FANCD2: variants seen among roughly 807,000 people sequenced by gnomAD.
The protein encoded by FANCD2 is Fanconi anemia group D2 protein.
FANCD2 carries 131 observed loss-of-function variants against 192.3 expected under a neutral mutation model. That is an observed-to-expected ratio of 0.68 (90% CI 0.59 to 0.79). The LOEUF (loss-of-function observed/expected upper bound fraction) is 0.79. Ranked by LOEUF, FANCD2 falls within the 30% of genes least tolerant of loss-of-function variation. The pLI is 0.00. For synonymous variants in FANCD2, 524 were observed against 612.5 expected (o/e 0.86, Z 2.13); for missense variants, 1,508 against 1,701.6 (o/e 0.89, Z 2.00).
At chr3:10,043,755 G>A (rs374169549) in intron 13 of FANCD2, 74 bp from the exon 14 acceptor site, 24 of 1,338,252 alleles carry the variant, frequency 1.8e-5, no homozygotes, top group African/African-American at 1.4e-4. Flanking sequence ...GAGATAACAG[G>A]GCATGCTGAA....
chr3:10,027,522 C>T (rs1349927236), intron 1 of FANCD2, among the ~76,000 whole-genome samples: 1 of 152,162 alleles, frequency 6.6e-6, no homozygotes, highest in Non-Finnish European at 1.5e-5. Context: ...CTCCTTGTTT[C>T]AGTATGAGTA....
At chr3:10,037,134 T>G (rs984912599) in intron 7 of FANCD2, among the ~76,000 whole-genome samples, 16 of 152,236 alleles carry the variant, frequency 1.1e-4, no homozygotes, top group African/African-American at 3.8e-4. Flanking sequence ...CCTACCTGTT[T>G]TTTTTTAATT....
At chr3:10,034,883 T>G in intron 5 of FANCD2, 85 bp downstream of exon 5, 2 of 1,003,032 alleles carry the variant, frequency 2.0e-6, no homozygotes, top group Non-Finnish European at 3.1e-6. Flanking sequence ...CACAGTTGTT[T>G]CAAATTTCAT....
At chr3:10,090,232 C>G in intron 36 of FANCD2, 60 bp from the exon 37 acceptor site, 1 of 1,277,974 alleles carries the variant, frequency 7.8e-7, no homozygotes, top group South Asian at 1.2e-5. Context: ...CCTGGTTCTT[C>G]CCAGGTAGTT....
intron 18 of FANCD2, among the ~76,000 whole-genome samples, chr3:10,056,475 C>T (rs2087416132): frequency 1.3e-5 from 2 of 152,038 alleles, no homozygotes; most frequent in African/African-American, 4.8e-5. Flanking sequence ...ATATCCTTGC[C>T]AACATGTATT....
intron 7 of FANCD2, 133 bp downstream of exon 7, chr3:10,036,472 T>A (rs2086734002): frequency 5.9e-6 from 4 of 677,022 alleles, no homozygotes; most frequent in Admixed American, 2.5e-5. Flanking sequence ...ACTACTAAAA[T>A]TTTACTGGAG....
At chr3:10,089,371 A>G (rs1694443189) in intron 36 of FANCD2, among the ~76,000 whole-genome samples, 1 of 152,164 alleles carries the variant, frequency 6.6e-6, no homozygotes, top group African/African-American at 2.4e-5. Flanking sequence ...ATTCTGATAC[A>G]GACAGTAGAT....
At chr3:10,027,086 G>A (rs1004904080) in intron 1 of FANCD2, among the ~76,000 whole-genome samples, 2 of 152,188 alleles carry the variant, frequency 1.3e-5, no homozygotes, top group Admixed American at 6.5e-5. Context: ...ACTTGAAACA[G>A]TTCTTGTTAG....
rs187024247 is a variant in FANCD2, at chr3:10,035,818, C to T, written c.439-469C>T. ...AGAGCTCCCTTGTTCCTCCTGAGAG[C>T]TCCCCTTGCAAGTTATTTGATAATC... On this transcript the variant is annotated intron_variant, in intron 6 of 43. Transcript: ENST00000675286. Among the ~76,000 whole-genome samples the T allele has an allele frequency of 3.9e-5, 6 of 152,190 alleles. No individual in the cohort carries two copies. The East Asian group carries it at 1.2e-3, about 29-fold the overall frequency.
chr3:10,032,238 G>A (rs988660948), intron 2 of FANCD2: 1 of 364,464 alleles, frequency 2.7e-6, no homozygotes. Flanking sequence ...GTATTTGGGT[G>A]GAAAACATTT....
chr3:10,067,495 G>A (rs1250029266), intron 26 of FANCD2, among the ~76,000 whole-genome samples, 178 bp downstream of exon 26: 2 of 152,096 alleles, frequency 1.3e-5, no homozygotes, highest in Non-Finnish European at 2.9e-5. Context: ...ACCTAATTCA[G>A]CAACACATTA....
rs1319690526 is a variant in FANCD2, at chr3:10,054,446, CATATATATAT to C, written c.1656+1968_1656+1977del. ...ATATACATGTATATACATGTATATA[CATATATATAT>C]ATATATATATATATATATTTTTTTT... On this transcript the variant is annotated intron_variant, in intron 18 of 43. Transcript: ENST00000675286. Among the ~76,000 whole-genome samples, 60 of 36,494 alleles carry C rather than the reference CATATATATAT, an allele frequency of 1.6e-3. 1 individual carries two copies. The highest frequency in any genetic ancestry group is 0.012 in the East Asian group (13 of 1,094). 23.9% of individuals were successfully genotyped at this position (36,494 alleles called of 152,430 possible). A position where few individuals can be genotyped will look rare whatever the true frequency, so the allele number is the denominator to read the frequency against.
In FANCD2 at chr3:10,087,280, CCTT is replaced by C; in HGVS notation, c.3466+17_3466+19del. On this transcript the variant is annotated intron_variant, in intron 34 of 43. Coordinates refer to ENST00000675286, the MANE Select transcript of FANCD2 (RefSeq NM_001018115.3). The stretch of plus-strand genomic sequence containing the variant: ...GAAAAAATTGGTGATGGGCCTAGAT[CCTT>C]TTTTTTTTTTTTTTTTTAATGAATA... The C allele has an allele frequency of 7.9e-7, 1 of 1,272,488 alleles. No homozygotes were observed. Among genetic ancestry groups the C allele is most frequent in the Non-Finnish European group, 1.1e-6 (1 of 946,466 alleles). The allele number at this position is 1,272,488 out of a possible 1,614,324, so 78.8% of individuals were successfully genotyped here. A position where few individuals can be genotyped will look rare whatever the true frequency, so the allele number is the denominator to read the frequency against.
intron 5 of FANCD2, 26 bp downstream of exon 5, chr3:10,034,824 G>T: frequency 6.6e-7 from 1 of 1,509,836 alleles, no homozygotes. Context: ...ATGGAATCTT[G>T]CTGAAATTCA....
intron 30 of FANCD2, among the ~76,000 whole-genome samples, chr3:10,079,230 C>G (rs1693692828): frequency 6.7e-6 from 1 of 150,310 alleles, no homozygotes; most frequent in Admixed American, 6.6e-5. Context: ...GGCATTAGAA[C>G]AAGACTCTGT....
chr3:10,094,401 A>G, intron 40 of FANCD2, 38 bp downstream of exon 40: 2 of 1,537,470 alleles, frequency 1.3e-6, no homozygotes, highest in Non-Finnish European at 1.8e-6. Flanking sequence ...TATGCACTGA[A>G]GAGTTGCTCA....
chr3:10,099,687 G>C (rs1271316185), intron 43 of FANCD2: 1 of 152,946 alleles, frequency 6.5e-6, no homozygotes, highest in African/African-American at 2.4e-5. Context: ...GAACCTGGGA[G>C]GTGGAGGTTG....
At chr3:10,074,707 T>G (rs1259486307) in intron 29 of FANCD2, 34 bp downstream of exon 29, 1 of 1,608,616 alleles carries the variant, frequency 6.2e-7, no homozygotes, top group Non-Finnish European at 8.5e-7. Flanking sequence ...GAATTTAATC[T>G]TCTTTCAGAA....
At chr3:10,069,664 G>T (rs1412811103) in intron 26 of FANCD2, among the ~76,000 whole-genome samples, 2 of 152,078 alleles carry the variant, frequency 1.3e-5, no homozygotes, top group Admixed American at 6.5e-5. Context: ...GGGTTTCGCT[G>T]TGTTGGCCGG....
Sources: allele counts gnomAD v4.1 joint callset (sites outside exome capture counted in the v4.1 genomes callset), GRCh38; gene constraint gnomAD v4.1.1; transcripts MANE v1.5; gene names NCBI Gene and HGNC (gene_info 2026-07-23, HGNC 2026-07-21).